The following NR2F1-AS1 variants were observed in gnomAD, a reference collection of about 807,000 sequenced individuals.
NR2F1-AS1 encodes the protein NR2F1 antisense RNA 1.
intron 4 of NR2F1-AS1, among the ~76,000 whole-genome samples, chr5:93,536,624 T>C (rs1280142638): frequency 3.3e-5 from 5 of 151,994 alleles, no homozygotes; most frequent in Non-Finnish European, 2.9e-5. Context: ...AGCCAAGAAA[T>C]AAATTTATGT....
chr5:93,533,248 A>C (rs2149901515), intron 4 of NR2F1-AS1, among the ~76,000 whole-genome samples: 1 of 152,268 alleles, frequency 6.6e-6, no homozygotes. Context: ...TTAAACTGGG[A>C]AAATTGATTT....
intron 4 of NR2F1-AS1, among the ~76,000 whole-genome samples, chr5:93,548,995 G>A (rs1180096851): frequency 6.6e-6 from 1 of 152,124 alleles, no homozygotes; most frequent in Non-Finnish European, 1.5e-5. Context: ...AGGATTAATA[G>A]TCATAATTTT....
intron 4 of NR2F1-AS1, among the ~76,000 whole-genome samples, chr5:93,491,597 AG>A (rs1750851530): frequency 6.6e-6 from 1 of 152,322 alleles, no homozygotes; most frequent in African/African-American, 2.4e-5. Context: ...CAGTTAACAA[AG>A]GAAAGAAGAT....
intron 4 of NR2F1-AS1, among the ~76,000 whole-genome samples, chr5:93,439,305 C>CT (rs1236506990): frequency 2.6e-5 from 4 of 151,968 alleles, no homozygotes; most frequent in Admixed American, 6.6e-5. Flanking sequence ...AGGCTTTTTT[C>CT]TTTTTTTTGA....
chr5:93,585,254 G>A (rs1234276128), upstream of NR2F1-AS1: 1 of 1,575,722 alleles, frequency 6.3e-7, no homozygotes, highest in African/African-American at 1.4e-5. Context: ...CGCCCGGTTC[G>A]GGCCAGAGCC....
At chr5:93,448,269 G>T (rs926964632) in intron 4 of NR2F1-AS1, among the ~76,000 whole-genome samples, 1 of 152,104 alleles carries the variant, frequency 6.6e-6, no homozygotes, top group African/African-American at 2.4e-5. Flanking sequence ...ACAATCTCAT[G>T]TTAAACAATT....
At chr5:93,476,036 T>A (rs919312750) in intron 4 of NR2F1-AS1, among the ~76,000 whole-genome samples, 1 of 152,190 alleles carries the variant, frequency 6.6e-6, no homozygotes, top group African/African-American at 2.4e-5. Context: ...AATCATTCAG[T>A]CTGTTTTCTC....
At chr5:93,577,257 G>A (rs1045124230) in intron 1 of NR2F1-AS1, among the ~76,000 whole-genome samples, 2 of 152,244 alleles carry the variant, frequency 1.3e-5, no homozygotes, top group African/African-American at 4.8e-5. Flanking sequence ...ACCGGTTTGA[G>A]ATAGAAAACT....
upstream of NR2F1-AS1, chr5:93,584,997 C>T: frequency 1.0e-6 from 1 of 988,574 alleles, no homozygotes; most frequent in Non-Finnish European, 1.2e-6. Flanking sequence ...AGCTCGGCTC[C>T]CCCCAGCGCT....
At chr5:93,576,429 C>CT (rs199848607) in intron 1 of NR2F1-AS1, among the ~76,000 whole-genome samples, 7,817 of 138,330 alleles carry the variant, frequency 0.057, 532 homozygotes, top group African/African-American at 0.17. Flanking sequence ...TATGCTTGTG[C>CT]TTTTTTTTTT....
chr5:93,533,634 T>C (rs1303381437), intron 4 of NR2F1-AS1, among the ~76,000 whole-genome samples: 3 of 152,154 alleles, frequency 2.0e-5, no homozygotes, highest in African/African-American at 4.8e-5. Context: ...GTAACATTTA[T>C]TGAATGTACT....
intron 4 of NR2F1-AS1, among the ~76,000 whole-genome samples, chr5:93,413,105 T>C: frequency 6.8e-6 from 1 of 147,350 alleles, no homozygotes; most frequent in East Asian, 2.0e-4. Context: ...TGTGTGTGTG[T>C]GTATGCAATT....
intron 4 of NR2F1-AS1, among the ~76,000 whole-genome samples, chr5:93,415,443 T>C (rs1267565296): frequency 6.6e-6 from 1 of 152,220 alleles, no homozygotes; most frequent in Non-Finnish European, 1.5e-5. Flanking sequence ...CAACTCACCA[T>C]TCAGTATTTC....
intron 4 of NR2F1-AS1, among the ~76,000 whole-genome samples, chr5:93,486,110 T>C (rs1750709466): frequency 9.4e-6 from 1 of 106,428 alleles, no homozygotes; most frequent in Non-Finnish European, 1.9e-5. Context: ...CTGGGGACTG[T>C]TGTGGGGTGG....
intron 4 of NR2F1-AS1, among the ~76,000 whole-genome samples, chr5:93,512,359 T>C (rs1376080112): frequency 6.6e-6 from 1 of 152,220 alleles, no homozygotes; most frequent in Admixed American, 6.6e-5. Flanking sequence ...GTTTATGTTT[T>C]AAGCTAAGTG....
intron 4 of NR2F1-AS1, among the ~76,000 whole-genome samples, chr5:93,416,714 C>T (rs572405647): frequency 1.3e-5 from 2 of 152,126 alleles, no homozygotes; most frequent in Non-Finnish European, 2.9e-5. Context: ...ACTAAGCGGT[C>T]GAACTCCTTC....
At chr5:93,563,312 G>A (rs115787231) in intron 2 of NR2F1-AS1, 86 of 152,206 alleles carry the variant, frequency 5.7e-4, no homozygotes, top group African/African-American at 2.0e-3. Flanking sequence ...GTTTCACTAG[G>A]GTCTCTGGTT....
At chr5:93,530,326 C>T (rs544111157) in intron 4 of NR2F1-AS1, among the ~76,000 whole-genome samples, 4 of 152,138 alleles carry the variant, frequency 2.6e-5, no homozygotes, top group African/African-American at 9.7e-5. Flanking sequence ...TCGTGATCCG[C>T]CTGCCTTGGC....
chr5:93,462,431 T>C (rs1750116845), intron 4 of NR2F1-AS1, among the ~76,000 whole-genome samples: 3 of 152,194 alleles, frequency 2.0e-5, no homozygotes, highest in Admixed American at 6.5e-5. Context: ...TTTTTCTTTA[T>C]AAATTATGCA....
Sources: gnomAD v4.1 joint callset for allele counts (sites outside exome capture counted in the v4.1 genomes callset) on GRCh38, gnomAD v4.1.1 for gene constraint, MANE v1.5 for transcripts, NCBI Gene and HGNC (gene_info 2026-07-23, HGNC 2026-07-21) for gene names.